Variants in TASP1 observed in about 807,000 individuals in gnomAD.
TASP1 encodes threonine aspartase 1.
Under a neutral mutation model 56.6 loss-of-function variants are expected in TASP1, and 16 were observed. That is an observed-to-expected ratio of 0.28 (90% CI 0.19 to 0.43). The LOEUF is 0.43. TASP1 is among the 20% of genes least tolerant of loss of function. TASP1 has a pLI of 1.00. For synonymous variants in TASP1, 179 were observed against 184.2 expected, an observed-to-expected ratio of 0.97 and a Z score of 0.23; for missense variants, 393 against 511.6, an observed-to-expected ratio of 0.77 and a Z score of 2.24.
intron 10 of TASP1, among the ~76,000 whole-genome samples, chr20:13,484,366 C>G (rs1467132600): frequency 6.6e-6 from 1 of 152,156 alleles, no homozygotes; most frequent in Non-Finnish European, 1.5e-5. Context: ...CCGTATGTTT[C>G]TAGCAGCACT....
the TASP1 span, among the ~76,000 whole-genome samples, chr20:13,280,364 A>G: frequency 1.2e-4 from 11 of 91,150 alleles, no homozygotes; most frequent in Non-Finnish European, 1.9e-4. Context: ...ACCCACATGA[A>G]CGTGTGTGTC....
At chr20:13,486,929 C>A (rs1272323351) in intron 10 of TASP1, among the ~76,000 whole-genome samples, 1 of 152,090 alleles carries the variant, frequency 6.6e-6, no homozygotes, top group Non-Finnish European at 1.5e-5. Context: ...AGAAACAGGG[C>A]AATGATGTCT....
intron 10 of TASP1, among the ~76,000 whole-genome samples, chr20:13,490,466 C>A (rs1440611512): frequency 2.0e-5 from 3 of 152,078 alleles, no homozygotes; most frequent in Non-Finnish European, 2.9e-5. Flanking sequence ...AATAAAGTAT[C>A]TTTATTTTCC....
intron 5 of TASP1, among the ~76,000 whole-genome samples, chr20:13,585,613 AAATTG>A (rs560836123): frequency 0.018 from 798 of 43,534 alleles, 4 homozygotes; most frequent in Non-Finnish European, 0.024. Flanking sequence ...AGGGACACTC[AAATTG>A]AATACCACTA....
the TASP1 span, among the ~76,000 whole-genome samples, chr20:13,304,834 A>G: frequency 2.5e-4 from 38 of 152,198 alleles, no homozygotes; most frequent in African/African-American, 8.9e-4. Flanking sequence ...CACCTACTTG[A>G]AAACACACAC....
At position 13,509,387 on chromosome 20, in the gene TASP1, GTAAGATGAA is replaced by G. The variant is rs559901627; in HGVS notation, c.874+19037_874+19045del. Among the ~76,000 whole-genome samples, 215 of 152,214 alleles carry G rather than the reference GTAAGATGAA, an allele frequency of 1.4e-3. 4 individuals are homozygous for G. Among genetic ancestry groups the G allele is most frequent in the Non-Finnish European group, 2.6e-4 (18 of 68,012 alleles). On this transcript the variant is annotated intron_variant, in intron 10 of 13. Transcript: ENST00000337743. ...TGTCACAGGGTACGAACTTATGGTT[GTAAGATGAA>G]TAAATTCTGGAGGATTAATGTATTA...
At chr20:13,627,462 G>A (rs931908654) in intron 2 of TASP1, among the ~76,000 whole-genome samples, 1 of 152,156 alleles carries the variant, frequency 6.6e-6, no homozygotes, top group Non-Finnish European at 1.5e-5. Flanking sequence ...AGTTAAAACT[G>A]TTGAACCAGC....
At chr20:13,505,742 GTA>G (rs2044105805) in intron 10 of TASP1, among the ~76,000 whole-genome samples, 1 of 152,020 alleles carries the variant, frequency 6.6e-6, no homozygotes, top group South Asian at 2.1e-4. Flanking sequence ...ATAACAAAAT[GTA>G]TGTGTGCAGA....
chr20:13,588,901 A>C (rs1357469917), intron 4 of TASP1, among the ~76,000 whole-genome samples: 1 of 152,226 alleles, frequency 6.6e-6, no homozygotes, highest in Non-Finnish European at 1.5e-5. Flanking sequence ...TTACTACAAA[A>C]CTACAGTAAT....
At chr20:13,464,918 T>C (rs1259572394) in intron 11 of TASP1, among the ~76,000 whole-genome samples, 1 of 151,872 alleles carries the variant, frequency 6.6e-6, no homozygotes, top group Non-Finnish European at 1.5e-5. Flanking sequence ...ATCCCAACAC[T>C]TGGGAAAGCC....
At chr20:13,579,419 A>G (rs566543533) in intron 6 of TASP1, among the ~76,000 whole-genome samples, 53 of 151,894 alleles carry the variant, frequency 3.5e-4, no homozygotes, top group African/African-American at 1.3e-3. Context: ...GCCAGGCTAG[A>G]GTGAAGTGGC....
chr20:13,441,098 T>C (rs749597052), intron 11 of TASP1, among the ~76,000 whole-genome samples: 1 of 152,120 alleles, frequency 6.6e-6, no homozygotes, highest in Non-Finnish European at 1.5e-5. Flanking sequence ...CTTCAAACCA[T>C]GTCAAATCTG....
chr20:13,638,372 C>T (rs2049388645), intron 1 of TASP1, among the ~76,000 whole-genome samples: 1 of 151,974 alleles, frequency 6.6e-6, no homozygotes, highest in African/African-American at 2.4e-5. Context: ...TCCCCCCCTC[C>T]TCTCCAGCTG....
chr20:13,219,202 C>T, the TASP1 span, among the ~76,000 whole-genome samples: 1 of 152,148 alleles, frequency 6.6e-6, no homozygotes, highest in Non-Finnish European at 1.5e-5. Context: ...TTTGTTCCTG[C>T]GAGCCCGTAT....
At chr20:13,134,726 G>A in the TASP1 span, among the ~76,000 whole-genome samples, 1 of 151,856 alleles carries the variant, frequency 6.6e-6, no homozygotes, top group Non-Finnish European at 1.5e-5. Flanking sequence ...ACAGAGGATG[G>A]AATTCTGGCA....
chr20:13,231,921 C>CT, the TASP1 span, among the ~76,000 whole-genome samples: 2 of 152,162 alleles, frequency 1.3e-5, no homozygotes, highest in African/African-American at 4.8e-5. Context: ...CTGGACACCA[C>CT]TTATCTATTT....
chr20:13,522,865 G>A (rs2044818958), intron 10 of TASP1, among the ~76,000 whole-genome samples: 1 of 152,132 alleles, frequency 6.6e-6, no homozygotes, highest in African/African-American at 2.4e-5. Context: ...AGGAGACTAA[G>A]AAGGAGCAGC....
intron 5 of TASP1, among the ~76,000 whole-genome samples, chr20:13,584,294 G>C (rs1040245512): frequency 6.6e-6 from 1 of 152,048 alleles, no homozygotes; most frequent in Admixed American, 6.6e-5. Flanking sequence ...TATAAATTAT[G>C]AGAGACTTTA....
the TASP1 span, among the ~76,000 whole-genome samples, chr20:13,245,027 G>A: frequency 9.1e-4 from 138 of 152,264 alleles, 1 homozygote; most frequent in East Asian, 0.026. Flanking sequence ...GAAAGAACAT[G>A]CACAACTTTG....
Sources: gnomAD v4.1 joint callset for allele counts (sites outside exome capture counted in the v4.1 genomes callset) on GRCh38, gnomAD v4.1.1 for gene constraint, MANE v1.5 for transcripts, NCBI Gene and HGNC (gene_info 2026-07-23, HGNC 2026-07-21) for gene names.